MAMDC2: variants seen among roughly 807,000 people sequenced by gnomAD.
MAMDC2 encodes MAM domain containing 2.
Under a neutral mutation model 89.8 loss-of-function variants are expected in MAMDC2, and 57 were observed. The ratio of observed to expected loss-of-function variants is 0.63; its 90% CI spans 0.51 to 0.79. The LOEUF (loss-of-function observed/expected upper bound fraction) is 0.79, where lower values mean the gene tolerates loss of function less well. Among genes scored for constraint, MAMDC2 ranks in the 30% least tolerant of loss-of-function variants. MAMDC2 has a pLI of 0.00. For missense variants in MAMDC2, 800 were observed against 820.6 expected, an observed-to-expected ratio of 0.97 and a Z score of 0.31; for synonymous variants, 313 against 293.4, an observed-to-expected ratio of 1.07 and a Z score of -0.68.
chr9:70,138,274 T>A (rs1055364131), intron 7 of MAMDC2, among the ~76,000 whole-genome samples: 1 of 152,248 alleles, frequency 6.6e-6, no homozygotes, highest in South Asian at 2.1e-4. Context: ...CCAGTTTGTA[T>A]GTACATATGA....
chr9:70,079,642 G>A lies in MAMDC2; in HGVS notation c.149-28569G>A, dbSNP rs991099459. On this transcript the variant is annotated intron_variant, in intron 2 of 13. Transcript: ENST00000377182. The stretch of plus-strand genomic sequence containing the variant: ...ATTGCTTCTAAACTGCACATGTAAT[G>A]GCCACTTCTGAGTTTTTGATAGGAA... 3.9e-5 allele frequency among the ~76,000 whole-genome samples: 6 copies of A among 152,098 alleles called. No homozygotes were observed. The East Asian group carries it at 1.2e-3, about 29-fold the overall frequency.
At chr9:70,112,139 C>A (rs1828526634) in intron 4 of MAMDC2, among the ~76,000 whole-genome samples, 1 of 152,146 alleles carries the variant, frequency 6.6e-6, no homozygotes, top group South Asian at 2.1e-4. Flanking sequence ...TGGAGAAGAG[C>A]AACGTGGATC....
At chr9:70,114,776 A>G (rs1411756787) in intron 5 of MAMDC2, among the ~76,000 whole-genome samples, 1 of 152,164 alleles carries the variant, frequency 6.6e-6, no homozygotes, top group Non-Finnish European at 1.5e-5. Flanking sequence ...AGGGATTTCT[A>G]CCACAAATGG....
At chr9:70,090,251 T>A (rs557600225) in intron 2 of MAMDC2, among the ~76,000 whole-genome samples, 195 of 152,026 alleles carry the variant, frequency 1.3e-3, no homozygotes, top group East Asian at 4.1e-3. Context: ...GGCAGAAGGA[T>A]CACCTGAGGC....
At chr9:70,059,454 T>C (rs1045494820) in intron 2 of MAMDC2, among the ~76,000 whole-genome samples, 15 of 152,236 alleles carry the variant, frequency 9.9e-5, no homozygotes, top group African/African-American at 3.6e-4. Context: ...TGTGTTCTAT[T>C]ATCCTTCGTG....
chr9:70,148,377 A>G, intron 9 of MAMDC2, among the ~76,000 whole-genome samples: 1 of 150,214 alleles, frequency 6.7e-6, no homozygotes, highest in East Asian at 1.9e-4. Context: ...AGCATAACAT[A>G]GTGATTAGGA....
At chr9:70,114,788 T>G (rs1563960850) in intron 5 of MAMDC2, among the ~76,000 whole-genome samples, 1 of 152,124 alleles carries the variant, frequency 6.6e-6, no homozygotes, top group Non-Finnish European at 1.5e-5. Context: ...CACAAATGGA[T>G]GTTAACAAAG....
chr9:70,106,992 C>T lies in MAMDC2; in HGVS notation c.149-1219C>T, dbSNP rs149257756. On this transcript the variant is annotated intron_variant, in intron 2 of 13. Coordinates refer to ENST00000377182, the MANE Select transcript of MAMDC2 (RefSeq NM_153267.5). Reference sequence around the variant, plus strand: ...AAGAACATCAAGCAAAACAAAGAGGCTTTTCAGATCCTTTCTCGTAAGAGT... The same window carrying T: ...AAGAACATCAAGCAAAACAAAGAGGTTTTTCAGATCCTTTCTCGTAAGAGT... Among the ~76,000 whole-genome samples, 5 of 152,236 alleles carry T rather than the reference C, an allele frequency of 3.3e-5. 1 individual carries two copies. The South Asian group carries it at 1.0e-3, about 32-fold the overall frequency.
At chr9:70,201,864 A>G in intron 11 of MAMDC2, among the ~76,000 whole-genome samples, 1 of 136,396 alleles carries the variant, frequency 7.3e-6, no homozygotes, top group Non-Finnish European at 1.6e-5. Flanking sequence ...GTATTCTCTG[A>G]TGGTAGTTTG....
intron 2 of MAMDC2, among the ~76,000 whole-genome samples, chr9:70,051,534 G>A (rs1268878948): frequency 6.6e-6 from 1 of 151,970 alleles, no homozygotes; most frequent in Non-Finnish European, 1.5e-5. Context: ...TAAATATTTT[G>A]GTTCTTAAAA....
At chr9:70,136,416 C>T (rs1395545214) in intron 7 of MAMDC2, among the ~76,000 whole-genome samples, 1 of 152,108 alleles carries the variant, frequency 6.6e-6, no homozygotes, top group East Asian at 1.9e-4. Flanking sequence ...TCTGGATGTA[C>T]CACAGTTTAT....
chr9:70,210,989 C>G (rs1391177403), intron 11 of MAMDC2, among the ~76,000 whole-genome samples: 2 of 152,090 alleles, frequency 1.3e-5, no homozygotes, highest in Non-Finnish European at 1.5e-5. Flanking sequence ...GAGTTTCTGC[C>G]AAGAGATCAG....
chr9:70,118,999 A>G (rs1332988650), intron 5 of MAMDC2, among the ~76,000 whole-genome samples: 2 of 152,148 alleles, frequency 1.3e-5, no homozygotes, highest in Admixed American at 6.5e-5. Flanking sequence ...AAAATAATGT[A>G]GTAAGAATTG....
chr9:70,214,481 G>C (rs1359152098), intron 11 of MAMDC2, among the ~76,000 whole-genome samples: 1 of 152,228 alleles, frequency 6.6e-6, no homozygotes, highest in East Asian at 1.9e-4. Context: ...AGAATAGGTG[G>C]GAGACTGTAT....
chr9:70,179,610 T>G (rs1339647160), intron 11 of MAMDC2, among the ~76,000 whole-genome samples: 2 of 149,534 alleles, frequency 1.3e-5, no homozygotes, highest in Non-Finnish European at 3.0e-5. Flanking sequence ...AAGGCATTCC[T>G]TTCTACAAAT....
intron 8 of MAMDC2, 57 bp from the exon 9 acceptor site, chr9:70,143,497 C>A: frequency 6.4e-7 from 1 of 1,573,554 alleles, no homozygotes. Context: ...TATTTTACCA[C>A]TTGCTAATCT....
chr9:70,174,721 T>C (rs2032444755), intron 11 of MAMDC2, among the ~76,000 whole-genome samples: 1 of 103,784 alleles, frequency 9.6e-6, no homozygotes, highest in Non-Finnish European at 1.9e-5. Flanking sequence ...TAGAAGGGCT[T>C]TGGATTTTTT....
At chr9:70,124,482 C>A (rs1047587823) in intron 5 of MAMDC2, among the ~76,000 whole-genome samples, 2 of 152,100 alleles carry the variant, frequency 1.3e-5, no homozygotes, top group African/African-American at 4.8e-5. Flanking sequence ...AACTTGCCAC[C>A]AGGAGAAAGT....
At chr9:70,215,654 G>C (rs1046511351) in intron 11 of MAMDC2, among the ~76,000 whole-genome samples, 42 of 152,174 alleles carry the variant, frequency 2.8e-4, no homozygotes, top group African/African-American at 9.9e-4. Flanking sequence ...TGGAGCCTAT[G>C]GTGGCACCAT....
Sources: allele counts gnomAD v4.1 joint callset (sites outside exome capture counted in the v4.1 genomes callset), GRCh38; gene constraint gnomAD v4.1.1; transcripts MANE v1.5; gene names NCBI Gene and HGNC (gene_info 2026-07-23, HGNC 2026-07-21).